The following PLCG2 variants were observed in gnomAD, a reference collection of about 807,000 sequenced individuals.
PLCG2 encodes 1-phosphatidylinositol 4,5-bisphosphate phosphodiesterase gamma-2.
In PLCG2, 69 loss-of-function variants were observed where a neutral mutation model predicts 175.6. That is an observed-to-expected ratio of 0.39 (90% CI 0.32 to 0.48). The LOEUF (loss-of-function observed/expected upper bound fraction) is 0.48, where lower values mean the gene tolerates loss of function less well. Among genes scored for constraint, PLCG2 ranks in the 20% least tolerant of loss-of-function variants. PLCG2 has a pLI of 0.91. For synonymous variants in PLCG2, 827 were observed against 624.0 expected (o/e 1.33, Z -4.85); for missense variants, 1,798 against 1,650.9 (o/e 1.09, Z -1.54).
At chr16:81,800,807 G>T (rs915346178) in intron 2 of PLCG2, among the ~76,000 whole-genome samples, 1 of 152,222 alleles carries the variant, frequency 6.6e-6, no homozygotes, top group East Asian at 1.9e-4. Context: ...GCTCCTTGCA[G>T]ATTGAACAGA....
At chr16:81,801,864 A>G (rs1198606972) in intron 2 of PLCG2, among the ~76,000 whole-genome samples, 2 of 151,956 alleles carry the variant, frequency 1.3e-5, no homozygotes, top group Admixed American at 6.6e-5. Flanking sequence ...TACTTTTAGT[A>G]GAGACGGGGT....
At chr16:81,877,348 TG>T (rs1907848228) in intron 7 of PLCG2, among the ~76,000 whole-genome samples, 1 of 152,004 alleles carries the variant, frequency 6.6e-6, no homozygotes, top group Non-Finnish European at 1.5e-5. Context: ...CCCAGCTACT[TG>T]GGAGGCTGAG....
intron 13 of PLCG2, 72 bp downstream of exon 13, chr16:81,895,999 G>C (rs905072348): frequency 8.2e-6 from 13 of 1,579,392 alleles, no homozygotes; most frequent in Non-Finnish European, 1.1e-5. Context: ...CAGATGGACA[G>C]ACAGGCAAAC....
intron 32 of PLCG2, 64 bp from the exon 33 acceptor site, chr16:81,957,892 A>G (rs1232085154): frequency 2.2e-6 from 3 of 1,364,050 alleles, no homozygotes; most frequent in Non-Finnish European, 3.2e-6. Context: ...GAAATGTTAC[A>G]GAGTTCAGCA....
Position 81,959,100 on chromosome 16 carries a change from G to C in PLCG2, c.*1102G>C. 1 of 223,796 alleles carries C rather than the reference G, an allele frequency of 4.5e-6. No homozygotes were observed. The highest frequency in any genetic ancestry group is 6.5e-5 in the East Asian group (1 of 15,404). The allele number at this position is 223,796 out of a possible 1,614,324, so 13.9% of individuals were successfully genotyped here. A position where few individuals can be genotyped will look rare whatever the true frequency, so the allele number is the denominator to read the frequency against. On this transcript the variant is annotated 3_prime_UTR_variant, in exon 33 of 33. Transcript: ENST00000564138. ...AATAATGTAATATGGCTTTTTAAAG[G>C]AGAGGAGAGTGCTGGGTTGGGAAGG...
intron 2 of PLCG2, among the ~76,000 whole-genome samples, chr16:81,843,161 C>G (rs1366489796): frequency 6.6e-6 from 1 of 152,114 alleles, no homozygotes; most frequent in Non-Finnish European, 1.5e-5. Flanking sequence ...GTCTGCTGAC[C>G]ACAGCCTACT....
At chr16:81,810,451 G>A (rs1384344497) in intron 2 of PLCG2, among the ~76,000 whole-genome samples, 1 of 152,148 alleles carries the variant, frequency 6.6e-6, no homozygotes, top group Non-Finnish European at 1.5e-5. Context: ...TTTGCAACCT[G>A]CAAACCAGTA....
At chr16:81,929,172 A>C (rs545875834) in intron 24 of PLCG2, among the ~76,000 whole-genome samples, 202 of 152,304 alleles carry the variant, frequency 1.3e-3, no homozygotes, top group African/African-American at 4.5e-3. Flanking sequence ...AGTGGTGGCC[A>C]GGGTCTGATG....
intron 7 of PLCG2, among the ~76,000 whole-genome samples, chr16:81,874,983 A>G (rs1378952417): frequency 1.2e-4 from 4 of 32,714 alleles, no homozygotes; most frequent in Admixed American, 4.0e-4. Flanking sequence ...TTTTTATTTG[A>G]GACAGAGTCT....
At chr16:81,760,974 G>C (rs1462691833) in intron 2 of PLCG2, among the ~76,000 whole-genome samples, 1 of 152,090 alleles carries the variant, frequency 6.6e-6, no homozygotes, top group Non-Finnish European at 1.5e-5. Context: ...CGTGATCTCA[G>C]CTCACGGCAA....
intron 1 of PLCG2, among the ~76,000 whole-genome samples, chr16:81,752,833 C>T (rs1597303118): frequency 6.6e-6 from 1 of 152,198 alleles, no homozygotes; most frequent in African/African-American, 2.4e-5. Context: ...CTGTTGGGGG[C>T]AGAGCTGCCA....
intron 2 of PLCG2, among the ~76,000 whole-genome samples, chr16:81,826,022 C>A (rs1361527878): frequency 6.6e-6 from 1 of 152,130 alleles, no homozygotes; most frequent in Non-Finnish European, 1.5e-5. Context: ...TGTCTGGTCG[C>A]ACTGGGTATC....
chr16:81,813,766 T>A lies in PLCG2; in HGVS notation c.193+27584T>A, dbSNP rs1904421599. Among the ~76,000 whole-genome samples the A allele has an allele frequency of 5.2e-5, 5 of 96,420 alleles. 1 individual carries two copies. In the South Asian group the frequency reaches 1.4e-3, roughly 27 times the overall value. The allele number at this position is 96,420 out of a possible 152,430, so 63.3% of individuals were successfully genotyped here. ...CACCAGTGTTCCTTTGTGCAGCGTC[T>A]CTCCCTGTTCTGTGGCTAGTTTGGG... On this transcript the variant is annotated intron_variant, in intron 2 of 32. Transcript: ENST00000564138.
chr16:81,803,264 G>T (rs182661752), intron 2 of PLCG2, among the ~76,000 whole-genome samples: 1 of 151,850 alleles, frequency 6.6e-6, no homozygotes, highest in Admixed American at 6.6e-5. Context: ...GACTACAGGT[G>T]CCCACCACCA....
chr16:81,898,888 T>C (rs1299601913), intron 13 of PLCG2, among the ~76,000 whole-genome samples: 1 of 152,148 alleles, frequency 6.6e-6, no homozygotes, highest in Non-Finnish European at 1.5e-5. Context: ...TGTGTATAAA[T>C]GAAATACAAA....
chr16:81,753,865 CT>C (rs1326699936), intron 1 of PLCG2, among the ~76,000 whole-genome samples: 1 of 152,144 alleles, frequency 6.6e-6, no homozygotes. Flanking sequence ...GGGAGAGGGC[CT>C]GGGGAGTGGG....
At chr16:81,813,175 A>G (rs61066239) in intron 2 of PLCG2, among the ~76,000 whole-genome samples, 31,843 of 152,176 alleles carry the variant, frequency 0.21, 3,674 homozygotes, top group Non-Finnish European at 0.27. Context: ...TTGGTTCCAT[A>G]TGAAATTTAA....
chr16:81,920,419 A>G (rs963078912), intron 20 of PLCG2, among the ~76,000 whole-genome samples: 3 of 152,238 alleles, frequency 2.0e-5, no homozygotes, highest in Non-Finnish European at 4.4e-5. Flanking sequence ...GATAATATAC[A>G]CAATTAAGAT....
chr16:81,870,742 C>G lies in PLCG2; in HGVS notation c.565-110C>G, dbSNP rs1186222666. On this transcript the variant is annotated intron_variant, in intron 6 of 32. Transcript: ENST00000564138. ...TGGTCATAGCTGTCTCTTCAGCATG[C>G]CAATAAAATAGCATGCCATTTCTGA... The G allele has an allele frequency of 2.2e-5, 13 of 578,596 alleles. 1 individual carries two copies. The South Asian group carries it at 3.1e-4, about 14-fold the overall frequency. The allele number at this position is 578,596 out of a possible 1,614,324, so 35.8% of individuals were successfully genotyped here. A position where few individuals can be genotyped will look rare whatever the true frequency, so the allele number is the denominator to read the frequency against.
Sources: allele counts gnomAD v4.1 joint callset (sites outside exome capture counted in the v4.1 genomes callset), GRCh38; gene constraint gnomAD v4.1.1; transcripts MANE v1.5; gene names NCBI Gene and HGNC (gene_info 2026-07-23, HGNC 2026-07-21).